Variants in CTNS observed in about 807,000 individuals in gnomAD.
CTNS encodes the protein cystinosin.
In CTNS, 27 loss-of-function variants were observed where a neutral mutation model predicts 43.7. The ratio of observed to expected loss-of-function variants is 0.62; its 90% CI spans 0.46 to 0.85. CTNS has a LOEUF of 0.85. CTNS is among the 40% of genes least tolerant of loss of function. CTNS has a pLI of 0.00. For missense variants in CTNS, 457 were observed against 475.4 expected (o/e 0.96, Z 0.36); for synonymous variants, 187 against 190.6 (o/e 0.98, Z 0.16).
rs886052866 is a variant in CTNS, at chr17:3,637,312, C to T, written c.-24C>T. On this transcript the variant is annotated 5_prime_UTR_variant, in exon 2 of 12. Coordinates refer to ENST00000046640, the MANE Select transcript of CTNS (RefSeq NM_004937.3). Reference sequence around the variant, plus strand: ...AGAGCTCGCTAGGCGCCCTAAGCAACAGAGGTAACCACTTTATATCCTTGT... The same window carrying T: ...AGAGCTCGCTAGGCGCCCTAAGCAATAGAGGTAACCACTTTATATCCTTGT... 6.6e-6 allele frequency: 1 copy of T among 152,140 alleles called. No individual in the cohort carries two copies. Among genetic ancestry groups the T allele is most frequent in the Non-Finnish European group, 1.5e-5 (1 of 68,044 alleles). 9.4% of individuals were successfully genotyped at this position (152,140 alleles called of 1,614,324 possible).
Position 3,660,993 on chromosome 17 carries a change from AATTGG to A in CTNS, c.*628_*632del. On this transcript the variant is annotated 3_prime_UTR_variant, in exon 12 of 12. Coordinates refer to ENST00000046640, the MANE Select transcript of CTNS (RefSeq NM_004937.3). ...TGAGGGGCCCACCAGATTGGTTCTG[AATTGG>A]ATTCATGCCCAGCGCATTAGCATAG... The A allele has an allele frequency of 1.8e-6, 1 of 565,978 alleles. No homozygotes were observed. The highest frequency in any genetic ancestry group is 3.1e-6 in the Non-Finnish European group (1 of 317,916). The allele number at this position is 565,978 out of a possible 1,614,324, so 35.1% of individuals were successfully genotyped here. A position where few individuals can be genotyped will look rare whatever the true frequency, so the allele number is the denominator to read the frequency against.
At chr17:3,649,203 C>T (rs900395886) in intron 5 of CTNS, among the ~76,000 whole-genome samples, 5 of 152,166 alleles carry the variant, frequency 3.3e-5, no homozygotes, top group Non-Finnish European at 5.9e-5. Flanking sequence ...AATCCCAGCA[C>T]TCTGGGAGGC....
Position 3,652,998 on chromosome 17 carries a change from G to A in CTNS, c.226-2000G>A, listed in dbSNP as rs191544063. On this transcript the variant is annotated intron_variant, in intron 5 of 11. Transcript: ENST00000046640. ...AAGCCACTGAAGGATGTGGTAGAGC[G>A]CCTGTAGTCCCAGCTACTCAGGAGG... is the stretch of plus-strand genomic sequence containing the variant. Among the ~76,000 whole-genome samples, 150 of 152,240 alleles carry A rather than the reference G, an allele frequency of 9.9e-4. 1 individual carries two copies. Among genetic ancestry groups the A allele is most frequent in the Non-Finnish European group, 1.5e-3 (101 of 67,996 alleles).
upstream of CTNS, chr17:3,636,611 C>G: frequency 4.9e-6 from 1 of 204,978 alleles, no homozygotes; most frequent in Non-Finnish European, 9.9e-6. Context: ...CCCGGCCCGA[C>G]CCAGCTGCGC....
At chr17:3,657,540 T>A (rs906919251) in intron 9 of CTNS, 8 of 239,838 alleles carry the variant, frequency 3.3e-5, no homozygotes. Context: ...GTGGCCCACA[T>A]TGGGCCCGTG....
rs2076270756 is a variant in CTNS, at chr17:3,661,135, C to T, written c.*766C>T. 1 of 328,656 alleles carries T rather than the reference C, an allele frequency of 3.0e-6. No homozygotes were observed. Among genetic ancestry groups the T allele is most frequent in the Non-Finnish European group, 6.0e-6 (1 of 168,030 alleles). The allele number at this position is 328,656 out of a possible 1,614,324, so 20.4% of individuals were successfully genotyped here. On this transcript the variant is annotated 3_prime_UTR_variant, in exon 12 of 12. Coordinates refer to ENST00000046640, the MANE Select transcript of CTNS (RefSeq NM_004937.3). ...CCCCATCTGAGCACATCCAGCTGCT[C>T]CTTACCCAGCATCTGGAGTACAGGA...
chr17:3,653,465 G>T, intron 5 of CTNS, among the ~76,000 whole-genome samples: 2 of 152,268 alleles, frequency 1.3e-5, no homozygotes, highest in Admixed American at 1.3e-4. Flanking sequence ...AGATCCTCAC[G>T]GTACCTGCAA....
intron 9 of CTNS, chr17:3,657,794 T>C (rs1212369982): frequency 5.0e-6 from 3 of 604,222 alleles, no homozygotes; most frequent in Non-Finnish European, 8.9e-6. Flanking sequence ...GTGCTGGGGA[T>C]GTCCAGCACC....
chr17:3,652,681 G>A (rs556287976), intron 5 of CTNS, among the ~76,000 whole-genome samples: 15 of 152,228 alleles, frequency 9.9e-5, no homozygotes, highest in Non-Finnish European at 1.5e-4. Context: ...GTCTTGTATC[G>A]GTCAATCGAC....
chr17:3,637,802 G>A (rs1011055732), intron 2 of CTNS, among the ~76,000 whole-genome samples: 7 of 151,542 alleles, frequency 4.6e-5, no homozygotes, highest in Middle Eastern at 6.9e-3. Context: ...TTGACAATGC[G>A]TGCTTTACAT....
At chr17:3,642,040 CCT>C (rs2075723666) in intron 3 of CTNS, among the ~76,000 whole-genome samples, 1 of 52,018 alleles carries the variant, frequency 1.9e-5, no homozygotes, top group Admixed American at 1.8e-4. Flanking sequence ...TTTGCCTGGG[CCT>C]GTGTGTGTGT....
At chr17:3,647,398 T>A in intron 3 of CTNS, 46 bp from the exon 4 acceptor site, 4 of 1,549,894 alleles carry the variant, frequency 2.6e-6, no homozygotes, top group Non-Finnish European at 3.6e-6. Flanking sequence ...GTCACAGGCC[T>A]GAACTCTGAC....
chr17:3,650,704 T>A (rs1173086172), intron 5 of CTNS, among the ~76,000 whole-genome samples: 1 of 152,172 alleles, frequency 6.6e-6, no homozygotes, highest in Non-Finnish European at 1.5e-5. Context: ...ACAGATTAAA[T>A]TCTGACTCTG....
intron 4 of CTNS, 109 bp downstream of exon 4, chr17:3,647,631 T>A: frequency 2.1e-6 from 2 of 974,230 alleles, no homozygotes; most frequent in Non-Finnish European, 3.2e-6. Context: ...TATTCTTGCC[T>A]CTTACCTGTA....
rs781214371 is a variant in CTNS at position 3,655,226 on chromosome 17, G to C, written c.335G>C (p.Arg112Thr). 6.2e-7 allele frequency: 1 copy of C among 1,614,160 alleles called. No individual in the cohort carries two copies. The highest frequency in any genetic ancestry group is 1.1e-5 in the South Asian group (1 of 91,084). ...GTCCCCAAACTCCTTTCCAGCCCGAGGATACGCTTTCTTGTGATCCGCAGC... is the reference window on the plus strand; with the variant it reads ...GTCCCCAAACTCCTTTCCAGCCCGACGATACGCTTTCTTGTGATCCGCAGC... The part of the protein sequence containing the change: ...HGNHSNQTGP[R>T]IRFLVIRSSA... The change falls in exon 7 of 12, where the codon AGG becomes ACG. Residue 112 changes from arginine (R) to threonine (T), a missense_variant. Physicochemically the swap from Arg to Thr is moderately conservative, Grantham distance 71. Coordinates refer to ENST00000046640, the MANE Select transcript of CTNS (RefSeq NM_004937.3).
intron 3 of CTNS, among the ~76,000 whole-genome samples, chr17:3,641,378 ATATATAT>A (rs1331505102): frequency 5.1e-5 from 2 of 39,002 alleles, no homozygotes; most frequent in Non-Finnish European, 8.1e-5. Flanking sequence ...ATATATATAT[ATATATAT>A]TTTTTTTTTT....
chr17:3,647,953 G>A (rs947771729), intron 4 of CTNS, among the ~76,000 whole-genome samples: 6 of 152,214 alleles, frequency 3.9e-5, no homozygotes, highest in African/African-American at 9.6e-5. Flanking sequence ...GGTGAATGCC[G>A]CTCATGCTGG....
rs1477972898 is a variant in CTNS, at chr17:3,661,922, CTT to C, written c.*1555_*1556del. Among the ~76,000 whole-genome samples, 2 of 152,208 alleles carry C rather than the reference CTT, an allele frequency of 1.3e-5. No individual in the cohort carries two copies. The highest frequency in any genetic ancestry group is 2.9e-5 in the Non-Finnish European group (2 of 68,038). On this transcript the variant is annotated 3_prime_UTR_variant, in exon 12 of 12. Transcript: ENST00000046640. ...TCAGGTCTTGTTTCTGCAGAGCAGA[CTT>C]TGGCCTGACGGGGTCCACAGACCTG...
At chr17:3,654,680 CAAAAAAAA>C in intron 5 of CTNS, among the ~76,000 whole-genome samples, 1 of 82,508 alleles carries the variant, frequency 1.2e-5, no homozygotes, top group Non-Finnish European at 2.2e-5. Context: ...GACTCCGTCT[CAAAAAAAA>C]AAAAAAAAAG....
Sources: allele counts gnomAD v4.1 joint callset (sites outside exome capture counted in the v4.1 genomes callset), GRCh38; gene constraint gnomAD v4.1.1; transcripts MANE v1.5; gene names NCBI Gene and HGNC (gene_info 2026-07-23, HGNC 2026-07-21).